The following ANO4 variants were observed in gnomAD, a reference collection of about 807,000 sequenced individuals.
ANO4 encodes the protein anoctamin-4.
In ANO4, 69 loss-of-function variants were observed where a neutral mutation model predicts 141.9. The ratio of observed to expected loss-of-function variants is 0.49; its 90% confidence interval spans 0.40 to 0.59. The LOEUF (loss-of-function observed/expected upper bound fraction) is 0.59. Ranked by LOEUF, ANO4 falls within the 20% of genes least tolerant of loss-of-function variation. The pLI, the probability that ANO4 is intolerant of heterozygous loss-of-function variation, is 0.00. For synonymous variants in ANO4, 350 were observed against 394.3 expected (o/e 0.89, Z 1.33); for missense variants, 894 against 1,162.2 (o/e 0.77, Z 3.36).
chr12:100,917,807 C>A (rs2136087956), intron 2 of ANO4, among the ~76,000 whole-genome samples: 1 of 152,220 alleles, frequency 6.6e-6, no homozygotes, highest in East Asian at 1.9e-4. Flanking sequence ...TATGTGTGAT[C>A]ATAATGTTTA....
chr12:101,106,935 C>G (rs1355479731), intron 22 of ANO4, among the ~76,000 whole-genome samples: 2 of 149,374 alleles, frequency 1.3e-5, no homozygotes, highest in African/African-American at 2.5e-5. Flanking sequence ...ACTTCAAGAC[C>G]AATATCATGT....
At chr12:101,089,392 C>T (rs904122187) in intron 17 of ANO4, among the ~76,000 whole-genome samples, 5 of 151,948 alleles carry the variant, frequency 3.3e-5, no homozygotes, top group Non-Finnish European at 4.4e-5. Context: ...ATCATTTTGA[C>T]GTGATGTTTG....
rs1177843016 is a variant in ANO4 at position 101,024,640 on chromosome 12, T to C, written c.841+4500T>C. Among the ~76,000 whole-genome samples, 6 of 152,240 alleles carry C rather than the reference T, an allele frequency of 3.9e-5. No homozygotes were observed. In the East Asian group the frequency reaches 1.2e-3, roughly 30 times the overall value. On this transcript the variant is annotated intron_variant, in intron 9 of 27. Transcript: ENST00000392977. ...ATGTGAGTCTCTTATTAGGTCCTTA[T>C]GAATCCTATTTTTTCTAACATCTGG...
At chr12:100,902,044 G>A (rs1364227100) in intron 2 of ANO4, among the ~76,000 whole-genome samples, 1 of 152,204 alleles carries the variant, frequency 6.6e-6, no homozygotes, top group Non-Finnish European at 1.5e-5. Context: ...TGGTGGTTCA[G>A]AGAAGGTTGA....
At chr12:101,098,058 C>T (rs375080233) in intron 21 of ANO4, 113 bp downstream of exon 21, 2 of 893,404 alleles carry the variant, frequency 2.2e-6, no homozygotes, top group Non-Finnish European at 3.5e-6. Flanking sequence ...GTGCGTGCAC[C>T]TGGAACTAAG....
At chr12:101,003,083 ATCT>A (rs921641242) in intron 8 of ANO4, among the ~76,000 whole-genome samples, 10 of 152,362 alleles carry the variant, frequency 6.6e-5, no homozygotes, top group East Asian at 1.9e-4. Context: ...GAAAACACTC[ATCT>A]TCTTCAGGCG....
intron 5 of ANO4, among the ~76,000 whole-genome samples, chr12:100,959,287 C>T (rs557169039): frequency 2.9e-4 from 44 of 152,270 alleles, no homozygotes; most frequent in African/African-American, 1.1e-3. Flanking sequence ...TCTCACCTCA[C>T]CTTCTCAAGG....
Position 101,094,251 on chromosome 12 carries a change from T to C in ANO4, c.1702-5T>C. On this transcript the variant is annotated splice_polypyrimidine_tract_variant and splice_region_variant and intron_variant, in intron 17 of 27. Coordinates refer to ENST00000392977, the MANE Select transcript of ANO4 (RefSeq NM_001286615.2). ...TTTATTAAATGCATGAAATTTATTT[T>C]ACAGCTCTATGAAAAAGTTGCCCTG... The C allele has an allele frequency of 2.5e-6, 4 of 1,609,202 alleles. No individual in the cohort carries two copies. Among genetic ancestry groups the C allele is most frequent in the East Asian group, 2.2e-5 (1 of 44,756 alleles).
intron 2 of ANO4, among the ~76,000 whole-genome samples, chr12:100,908,329 A>G (rs1457210898): frequency 6.6e-6 from 1 of 152,212 alleles, no homozygotes; most frequent in African/African-American, 2.4e-5. Context: ...AGCCTGGGCA[A>G]CGAGCAAAAC....
intron 3 of ANO4, among the ~76,000 whole-genome samples, chr12:100,766,153 G>C (rs1392355478): frequency 6.6e-6 from 1 of 151,984 alleles, no homozygotes; most frequent in East Asian, 1.9e-4. Flanking sequence ...ATTTTACCTA[G>C]CATTCTGTCC....
chr12:100,847,510 C>T (rs2037631180), intron 1 of ANO4, among the ~76,000 whole-genome samples: 1 of 137,892 alleles, frequency 7.3e-6, no homozygotes, highest in Non-Finnish European at 1.5e-5. Flanking sequence ...CTCACTCTGT[C>T]ACTCAGGCTG....
At chr12:101,018,353 C>T (rs997371642) in intron 8 of ANO4, among the ~76,000 whole-genome samples, 1 of 152,220 alleles carries the variant, frequency 6.6e-6, no homozygotes, top group African/African-American at 2.4e-5. Flanking sequence ...GTTTATCGCT[C>T]ATCCACCAAC....
chr12:101,028,350 G>A (rs184221911), intron 9 of ANO4, among the ~76,000 whole-genome samples: 2 of 152,270 alleles, frequency 1.3e-5, no homozygotes, highest in African/African-American at 4.8e-5. Context: ...GACATAAGTA[G>A]GCTTCAGAAG....
chr12:101,119,979 C>T (rs1380286676), intron 25 of ANO4, among the ~76,000 whole-genome samples: 1 of 152,124 alleles, frequency 6.6e-6, no homozygotes, highest in East Asian at 1.9e-4. Context: ...TGGCAAGTGG[C>T]AGAAATCCAG....
intron 1 of ANO4, among the ~76,000 whole-genome samples, chr12:100,852,087 C>T (rs1335229595): frequency 6.6e-6 from 1 of 152,116 alleles, no homozygotes; most frequent in Non-Finnish European, 1.5e-5. Context: ...AGTGACCTGA[C>T]ATGACTTACT....
chr12:100,874,337 T>C (rs939651748), intron 1 of ANO4, among the ~76,000 whole-genome samples: 3 of 152,154 alleles, frequency 2.0e-5, no homozygotes, highest in African/African-American at 7.2e-5. Context: ...ACTTGTACCA[T>C]GTGCCTGGAA....
At chr12:101,112,590 T>C (rs566172727) in intron 24 of ANO4, among the ~76,000 whole-genome samples, 1 of 152,300 alleles carries the variant, frequency 6.6e-6, no homozygotes, top group South Asian at 2.1e-4. Flanking sequence ...TGCTGTCTAC[T>C]TATACAAGCA....
At chr12:101,088,994 A>G (rs1007482577) in intron 17 of ANO4, among the ~76,000 whole-genome samples, 5 of 152,208 alleles carry the variant, frequency 3.3e-5, no homozygotes, top group African/African-American at 1.2e-4. Context: ...GTAGATGTTC[A>G]ATTAATTATA....
chr12:100,987,580 A>G lies in ANO4; in HGVS notation c.644A>G (p.Lys215Arg). ...QISRFRRWLPKKPMRLDKETL... is the reference protein window; with the variant it reads ...QISRFRRWLPRKPMRLDKETL... ...AGCAGGTTTCGGAGATGGTTACCTA[A>G]GAAGCCAATGAGGCTGGACAAGGAG... The change falls in exon 8 of 28, where the codon AAG becomes AGG. Residue 215 changes from lysine (K) to arginine (R), a missense_variant. Transcript: ENST00000392977. 3 of 1,614,114 alleles carry G rather than the reference A, an allele frequency of 1.9e-6. No individual in the cohort carries two copies. The highest frequency in any genetic ancestry group is 2.5e-6 in the Non-Finnish European group (3 of 1,179,976).
Sources: allele counts gnomAD v4.1 joint callset (sites outside exome capture counted in the v4.1 genomes callset), GRCh38; gene constraint gnomAD v4.1.1; transcripts MANE v1.5; gene names NCBI Gene and HGNC (gene_info 2026-07-23, HGNC 2026-07-21).